PALS2: variants seen among roughly 807,000 people sequenced by gnomAD.
The protein encoded by PALS2 is protein PALS2.
In PALS2, 27 loss-of-function variants were observed where a neutral mutation model predicts 61.6. The observed-to-expected ratio is 0.44, with a 90% confidence interval of 0.32 to 0.60. The LOEUF is 0.60. Among genes scored for constraint, PALS2 ranks in the 20% least tolerant of loss-of-function variants. The pLI is 0.05. For synonymous variants in PALS2, 236 were observed against 218.6 expected (o/e 1.08, Z -0.70); for missense variants, 554 against 639.4 (o/e 0.87, Z 1.44).
chr7:24,609,353 A>G (rs2128051353), intron 1 of PALS2, among the ~76,000 whole-genome samples: 1 of 152,274 alleles, frequency 6.6e-6, no homozygotes, highest in African/African-American at 2.4e-5. Context: ...CTTCAGATTT[A>G]TAGGCAGAGA....
chr7:24,639,868 G>GT (rs2128069926), intron 2 of PALS2, among the ~76,000 whole-genome samples: 1 of 139,068 alleles, frequency 7.2e-6, no homozygotes, highest in South Asian at 2.2e-4. Context: ...CCACGCTGGA[G>GT]TGCAGTGGCA....
rs1783520053 is a variant in PALS2 at position 24,596,252 on chromosome 7, G to T, written c.-3+22659G>T. On this transcript the variant is annotated intron_variant, in intron 1 of 11. Transcript: ENST00000222644. The surrounding 1 kb of genome is among the most constrained non-coding windows in gnomAD (Gnocchi z 4.5). ...CAGCAGACAGGCAAGAATTGATGGT[G>T]GCTTAGCGTAGGGGGATAGCAGTGA... Among the ~76,000 whole-genome samples the T allele has an allele frequency of 6.6e-6, 1 of 152,132 alleles. No homozygotes were observed. The highest frequency in any genetic ancestry group is 1.5e-5 in the Non-Finnish European group (1 of 68,022).
At chr7:24,670,574 T>G (rs1311623726) in intron 9 of PALS2, among the ~76,000 whole-genome samples, 1 of 152,214 alleles carries the variant, frequency 6.6e-6, no homozygotes, top group African/African-American at 2.4e-5. Context: ...CTTTGTGTTT[T>G]AAAATGTATA....
chr7:24,637,908 G>A (rs532149998), intron 2 of PALS2, among the ~76,000 whole-genome samples: 10 of 152,174 alleles, frequency 6.6e-5, no homozygotes, highest in Non-Finnish European at 1.3e-4. Context: ...CTTGTGGCAA[G>A]TGAAATATAT....
At chr7:24,670,371 C>T (rs1787235600) in intron 9 of PALS2, among the ~76,000 whole-genome samples, 1 of 151,816 alleles carries the variant, frequency 6.6e-6, no homozygotes, top group Non-Finnish European at 1.5e-5. Context: ...GTCTCAGAAC[C>T]CTCTGTCTTT....
intron 5 of PALS2, among the ~76,000 whole-genome samples, chr7:24,661,301 C>T (rs906683950): frequency 6.7e-6 from 1 of 150,282 alleles, no homozygotes; most frequent in Non-Finnish European, 1.5e-5. Context: ...TTGACCATAA[C>T]AGTAATGTTC....
chr7:24,610,109 A>G (rs1358364451), intron 1 of PALS2, among the ~76,000 whole-genome samples: 1 of 152,170 alleles, frequency 6.6e-6, no homozygotes, highest in African/African-American at 2.4e-5. Flanking sequence ...TATTTCCACA[A>G]TACTAATAAT....
chr7:24,643,363 C>CA (rs1785661972), intron 3 of PALS2, among the ~76,000 whole-genome samples: 1 of 152,040 alleles, frequency 6.6e-6, no homozygotes. Flanking sequence ...AAAATGAAGA[C>CA]ATTGCTTTTC....
At chr7:24,614,762 C>T (rs111714612) in intron 1 of PALS2, among the ~76,000 whole-genome samples, 45 of 151,974 alleles carry the variant, frequency 3.0e-4, no homozygotes, top group African/African-American at 1.1e-3. Flanking sequence ...GAACATTTCA[C>T]CCAACAGCTG....
chr7:24,681,916 G>A lies in PALS2; in HGVS notation c.1446+1396G>A, dbSNP rs923992420. ...CCATGTCTCTACTTTCTGAACGTAT[G>A]AAACATAGTGTTTAATGTCTTTGCA... On this transcript the variant is annotated intron_variant, in intron 11 of 11. Coordinates refer to ENST00000222644, the MANE Select transcript of PALS2 (RefSeq NM_001303037.2). 2.0e-5 allele frequency among the ~76,000 whole-genome samples: 3 copies of A among 152,098 alleles called. No homozygotes were observed. The East Asian group carries it at 5.8e-4, about 29-fold the overall frequency.
chr7:24,674,030 T>C (rs1308862482), intron 9 of PALS2, among the ~76,000 whole-genome samples: 1 of 152,114 alleles, frequency 6.6e-6, no homozygotes, highest in Admixed American at 6.5e-5. Context: ...GGTTCAATGA[T>C]ACATGTCTCT....
chr7:24,659,660 C>G (rs1030845842), intron 5 of PALS2, among the ~76,000 whole-genome samples: 2 of 152,116 alleles, frequency 1.3e-5, no homozygotes, highest in Non-Finnish European at 2.9e-5. Flanking sequence ...CTGTGAATTA[C>G]GAAGGTTTTT....
intron 1 of PALS2, among the ~76,000 whole-genome samples, chr7:24,607,610 CAT>C (rs554478368): frequency 1.4e-4 from 20 of 146,894 alleles, no homozygotes; most frequent in Admixed American, 3.4e-4. Context: ...TGTATATATA[CAT>C]ATATATGTGT....
chr7:24,573,592 C>CG lies in PALS2; in HGVS notation c.-3+1dup. On this transcript the variant is annotated splice_region_variant and 5_prime_UTR_variant, in exon 1 of 12. Transcript: ENST00000222644. This position sits in a 1 kb window ranked among gnomAD's most constrained non-coding sequence, Gnocchi z 5.3. ...GCGCGGAGGCGGCTGAGGTGCGAGC[C>CG]GGTGAGTTAACTGGACCCCCACGCC... 5.4e-6 allele frequency: 2 copies of CG among 373,194 alleles called. No homozygotes were observed. The highest frequency in any genetic ancestry group is 9.5e-6 in the Non-Finnish European group (2 of 210,312). 23.1% of individuals were successfully genotyped at this position (373,194 alleles called of 1,614,324 possible).
At chr7:24,613,930 T>C (rs187127131) in intron 1 of PALS2, among the ~76,000 whole-genome samples, 1 of 152,122 alleles carries the variant, frequency 6.6e-6, no homozygotes, top group Non-Finnish European at 1.5e-5. Context: ...TTCCTTTTTA[T>C]GGCTGAATAG....
Position 24,688,078 on chromosome 7 carries a change from T to G in PALS2, c.*464T>G, listed in dbSNP as rs1022278373. 5.2e-5 allele frequency: 8 copies of G among 152,384 alleles called. No individual in the cohort carries two copies. The highest frequency in any genetic ancestry group is 1.9e-4 in the African/African-American group (8 of 41,468). The allele number at this position is 152,384 out of a possible 1,614,324, so 9.4% of individuals were successfully genotyped here. On this transcript the variant is annotated 3_prime_UTR_variant, in exon 12 of 12. Coordinates refer to ENST00000222644, the MANE Select transcript of PALS2 (RefSeq NM_001303037.2). Reference sequence around the variant, plus strand: ...AAGAAAATATAGTTATTGACCTTCCTTCTTATAAATTTCTTACAAAAGCAG... The same window carrying G: ...AAGAAAATATAGTTATTGACCTTCCGTCTTATAAATTTCTTACAAAAGCAG...
rs970981534 is a variant in PALS2, at chr7:24,693,218, T to C, written c.*5604T>C. 5 of 152,154 alleles carry C rather than the reference T, an allele frequency of 3.3e-5. No individual in the cohort carries two copies. The highest frequency in any genetic ancestry group is 1.2e-4 in the African/African-American group (5 of 41,426). The allele number at this position is 152,154 out of a possible 1,614,324, so 9.4% of individuals were successfully genotyped here. ...GCAACTGTCTTTGAATCTTATGAAA[T>C]AGGTGGTGTTGCTACCACAGAAGCC... On this transcript the variant is annotated 3_prime_UTR_variant, in exon 12 of 12. Transcript: ENST00000222644.
At chr7:24,623,137 T>C in intron 1 of PALS2, among the ~76,000 whole-genome samples, 1 of 151,892 alleles carries the variant, frequency 6.6e-6, no homozygotes, top group Non-Finnish European at 1.5e-5. Context: ...TGTGATGTTG[T>C]TGGGTTTAGT....
At chr7:24,606,800 G>A (rs1302239930) in intron 1 of PALS2, among the ~76,000 whole-genome samples, 2 of 151,988 alleles carry the variant, frequency 1.3e-5, no homozygotes, top group Non-Finnish European at 2.9e-5. Flanking sequence ...GGAACCAGAA[G>A]TGTTTCAGAT....
Sources: allele counts gnomAD v4.1 joint callset (sites outside exome capture counted in the v4.1 genomes callset), GRCh38; gene constraint gnomAD v4.1.1; non-coding constraint Gnocchi (gnomAD v3.1); transcripts MANE v1.5; gene names NCBI Gene and HGNC (gene_info 2026-07-23, HGNC 2026-07-21).